The following CAMK2A variants were observed in gnomAD, a reference collection of about 807,000 sequenced individuals.
CAMK2A encodes the protein calcium/calmodulin dependent protein kinase II alpha, also known as calcium/calmodulin-dependent protein kinase type II subunit alpha.
Under a neutral mutation model 79.2 loss-of-function variants are expected in CAMK2A, and 7 were observed. The ratio of observed to expected loss-of-function variants is 0.09; its 90% confidence interval spans 0.05 to 0.17. The LOEUF is 0.17. Ranked by LOEUF, CAMK2A falls within the 10% of genes least tolerant of loss-of-function variation. The pLI is 1.00. For synonymous variants in CAMK2A, 242 were observed against 251.7 expected, an observed-to-expected ratio of 0.96 and a Z score of 0.36; for missense variants, 214 against 646.4, an observed-to-expected ratio of 0.33 and a Z score of 7.25.
At chr5:150,243,190 C>T (rs1041514916) in intron 13 of CAMK2A, among the ~76,000 whole-genome samples, 1 of 152,218 alleles carries the variant, frequency 6.6e-6, no homozygotes, top group Non-Finnish European at 1.5e-5. Flanking sequence ...CTTGCCCAGC[C>T]TCTACCAGGG....
chr5:150,250,338 G>C, intron 10 of CAMK2A, 29 bp from the exon 11 acceptor site: 1 of 1,591,510 alleles, frequency 6.3e-7, no homozygotes, highest in South Asian at 1.1e-5. Context: ...AGGGCTGTGA[G>C]TGGAAGGCAG....
intron 1 of CAMK2A, among the ~76,000 whole-genome samples, chr5:150,280,570 A>G (rs1410374990): frequency 2.0e-5 from 3 of 151,942 alleles, no homozygotes; most frequent in Non-Finnish European, 4.4e-5. Context: ...ACCCACCACA[A>G]TCTGGCTGCC....
At chr5:150,238,083 A>G (rs1755162732) in intron 15 of CAMK2A, among the ~76,000 whole-genome samples, 1 of 152,242 alleles carries the variant, frequency 6.6e-6, no homozygotes, top group South Asian at 2.1e-4. Flanking sequence ...AGGAACATGT[A>G]TACCATTACC....
chr5:150,233,688 A>G (rs1716124156), intron 15 of CAMK2A, among the ~76,000 whole-genome samples: 1 of 152,176 alleles, frequency 6.6e-6, no homozygotes, highest in South Asian at 2.1e-4. Flanking sequence ...TGTCCCTAGG[A>G]GACCCAGAAC....
In CAMK2A at chr5:150,221,380, A is replaced by C; in HGVS notation, c.*1330T>G. The C allele has an allele frequency of 2.5e-6, 1 of 398,682 alleles. No individual in the cohort carries two copies. 24.7% of individuals were successfully genotyped at this position (398,682 alleles called of 1,614,324 possible). A position where few individuals can be genotyped will look rare whatever the true frequency, so the allele number is the denominator to read the frequency against. Reference sequence around the variant, plus strand: ...AAATTCCCAGTGCTTTGCTGTGGTCATCAGACGCCAAGGGGAGAGAGGCAA... The same window carrying C: ...AAATTCCCAGTGCTTTGCTGTGGTCCTCAGACGCCAAGGGGAGAGAGGCAA... On this transcript the variant is annotated 3_prime_UTR_variant, in exon 19 of 19. Coordinates refer to ENST00000671881, the MANE Select transcript of CAMK2A (RefSeq NM_015981.4).
At chr5:150,257,801 G>T (rs952933285) in intron 3 of CAMK2A, among the ~76,000 whole-genome samples, 184 bp from the exon 4 acceptor site, 7 of 152,140 alleles carry the variant, frequency 4.6e-5, no homozygotes, top group African/African-American at 1.7e-4. Flanking sequence ...AGTCCGAATA[G>T]ACCTCAGGCA....
intron 6 of CAMK2A, among the ~76,000 whole-genome samples, chr5:150,254,836 T>C (rs1755986978): frequency 6.6e-6 from 1 of 152,230 alleles, no homozygotes; most frequent in Non-Finnish European, 1.5e-5. Flanking sequence ...TGTAAGCACT[T>C]CGCTGTGGCC....
intron 16 of CAMK2A, among the ~76,000 whole-genome samples, chr5:150,230,349 A>G (rs1164525986): frequency 6.6e-6 from 1 of 152,080 alleles, no homozygotes; most frequent in East Asian, 1.9e-4. Context: ...AAGGGAAAAA[A>G]AAAAGAATGC....
intron 2 of CAMK2A, among the ~76,000 whole-genome samples, chr5:150,268,849 T>C (rs1373157403): frequency 6.6e-6 from 1 of 152,188 alleles, no homozygotes; most frequent in Admixed American, 6.5e-5. Flanking sequence ...AGCCTCTACT[T>C]CCTGGGCTCA....
At chr5:150,257,712 C>A in intron 3 of CAMK2A, 95 bp from the exon 4 acceptor site, 12 of 956,246 alleles carry the variant, frequency 1.3e-5, no homozygotes, top group Admixed American at 2.0e-5. Flanking sequence ...CAACACCCCC[C>A]GCTCCCAGAC....
chr5:150,266,868 G>A (rs775231009), intron 2 of CAMK2A, among the ~76,000 whole-genome samples: 1 of 152,034 alleles, frequency 6.6e-6, no homozygotes, highest in Non-Finnish European at 1.5e-5. Flanking sequence ...GTATGCGGGT[G>A]GGGGGGTGGT....
chr5:150,285,891 G>A (rs1757405230), intron 1 of CAMK2A, among the ~76,000 whole-genome samples: 1 of 152,174 alleles, frequency 6.6e-6, no homozygotes, highest in African/African-American at 2.4e-5. Flanking sequence ...AGGATCAGAA[G>A]CCCGGAGAAT....
intron 2 of CAMK2A, among the ~76,000 whole-genome samples, chr5:150,268,611 G>A (rs1756610456): frequency 6.6e-6 from 1 of 152,206 alleles, no homozygotes; most frequent in African/African-American, 2.4e-5. Flanking sequence ...TGGGCACAAT[G>A]AGAGTAAGAC....
In CAMK2A at chr5:150,256,528, G is replaced by C; in HGVS notation, c.411+45C>G. 1 of 1,375,214 alleles carries C rather than the reference G, an allele frequency of 7.3e-7. No homozygotes were observed. Among genetic ancestry groups the C allele is most frequent in the Non-Finnish European group, 1.0e-6 (1 of 964,984 alleles). The allele number at this position is 1,375,214 out of a possible 1,614,324, so 85.2% of individuals were successfully genotyped here. A position where few individuals can be genotyped will look rare whatever the true frequency, so the allele number is the denominator to read the frequency against. On this transcript the variant is annotated intron_variant, in intron 6 of 18. Coordinates refer to ENST00000671881, the MANE Select transcript of CAMK2A (RefSeq NM_015981.4). The surrounding 1 kb of genome is among the most constrained non-coding windows in gnomAD (Gnocchi z 4.6). ...TGCAGGATTAGGGACGTGCAGAGGAGAGAGGGGCTCCCGGGGTGAGCCACA... is the reference window on the plus strand; with the variant it reads ...TGCAGGATTAGGGACGTGCAGAGGACAGAGGGGCTCCCGGGGTGAGCCACA...
chr5:150,244,668 G>A (rs1184104768), intron 13 of CAMK2A, among the ~76,000 whole-genome samples: 1 of 152,156 alleles, frequency 6.6e-6, no homozygotes, highest in Non-Finnish European at 1.5e-5. Flanking sequence ...CTTGCCGGGA[G>A]GGGGCACCTT....
intron 11 of CAMK2A, 23 bp downstream of exon 11, chr5:150,250,203 T>C (rs1196704076): frequency 6.3e-7 from 1 of 1,591,230 alleles, no homozygotes; most frequent in South Asian, 1.1e-5. Context: ...TGGCCAGGAC[T>C]GTGGAGGGTG....
At chr5:150,259,706 T>C (rs1444798882) in intron 3 of CAMK2A, among the ~76,000 whole-genome samples, 2 of 151,088 alleles carry the variant, frequency 1.3e-5, no homozygotes, top group African/African-American at 2.4e-5. Flanking sequence ...CGGTGGCTCA[T>C]GCCTGTAATC....
chr5:150,256,529 A>G lies in CAMK2A; in HGVS notation c.411+44T>C, dbSNP rs1341342283. ...GCAGGATTAGGGACGTGCAGAGGAG[A>G]GAGGGGCTCCCGGGGTGAGCCACAC... is the stretch of plus-strand genomic sequence containing the variant. On this transcript the variant is annotated intron_variant, in intron 6 of 18. Coordinates refer to ENST00000671881, the MANE Select transcript of CAMK2A (RefSeq NM_015981.4). The surrounding 1 kb of genome is among the most constrained non-coding windows in gnomAD (Gnocchi z 4.6). 5.1e-6 allele frequency: 7 copies of G among 1,380,820 alleles called. No individual in the cohort carries two copies. Among genetic ancestry groups the G allele is most frequent in the Non-Finnish European group, 7.2e-6 (7 of 970,160 alleles). The allele number at this position is 1,380,820 out of a possible 1,614,324, so 85.5% of individuals were successfully genotyped here.
rs756841326 is a variant in CAMK2A at position 150,250,307 on chromosome 5, G to A, written c.819C>T (p.His273=). 2 of 1,613,684 alleles carry A rather than the reference G, an allele frequency of 1.2e-6. No homozygotes were observed. Among genetic ancestry groups the A allele is most frequent in the South Asian group, 2.2e-5 (2 of 91,076 alleles). The part of the protein sequence containing the change: ...AEALKHPWIS[H]RSTVASCMHR... ...GCATGCAGGATGCCACGGTGGAGCG[G>A]TGCTGGAGGAAGTAGGGGAGAGGGC... Residue 273 remains histidine, a splice_region_variant and synonymous_variant, in exon 11 of 19, where the codon CAC becomes CAT. Coordinates refer to ENST00000671881, the MANE Select transcript of CAMK2A (RefSeq NM_015981.4).
Sources: gnomAD v4.1 joint callset for allele counts (sites outside exome capture counted in the v4.1 genomes callset) on GRCh38, gnomAD v4.1.1 for gene constraint, Gnocchi (gnomAD v3.1) non-coding constraint, MANE v1.5 for transcripts, NCBI Gene and HGNC (gene_info 2026-07-23, HGNC 2026-07-21) for gene names.